Variants in PDZD8 observed in about 807,000 individuals in gnomAD.
PDZD8 encodes PDZ domain-containing protein 8.
PDZD8 carries 14 observed loss-of-function variants against 85.8 expected under a neutral mutation model. That is an observed-to-expected ratio of 0.16 (90% confidence interval 0.11 to 0.26). The LOEUF is 0.26. Among genes scored for constraint, PDZD8 ranks in the 10% least tolerant of loss-of-function variants. The pLI, the probability that PDZD8 is intolerant of heterozygous loss-of-function variation, is 1.00. For synonymous variants in PDZD8, 592 were observed against 568.6 expected (o/e 1.04, Z -0.59); for missense variants, 1,197 against 1,424.3 (o/e 0.84, Z 2.57).
chr10:117,352,270 A>C (rs939013514), intron 1 of PDZD8, among the ~76,000 whole-genome samples: 21 of 152,188 alleles, frequency 1.4e-4, no homozygotes, highest in Non-Finnish European at 2.1e-4. Flanking sequence ...AGAGGTCTAG[A>C]TCTACTGTTA....
At chr10:117,317,038 G>A (rs918949720) in intron 3 of PDZD8, among the ~76,000 whole-genome samples, 66 of 152,124 alleles carry the variant, frequency 4.3e-4, no homozygotes, top group African/African-American at 1.6e-3. Flanking sequence ...AAAACTCCAT[G>A]CTAACGAAGA....
At chr10:117,309,189 C>A (rs1843993123) in intron 3 of PDZD8, among the ~76,000 whole-genome samples, 1 of 151,942 alleles carries the variant, frequency 6.6e-6, no homozygotes. Flanking sequence ...AGAAACAGAA[C>A]CTAAAAATAA....
rs1454024153 is a variant in PDZD8 at position 117,326,123 on chromosome 10, T to TAA, written c.996-7151_996-7150dup. Reference sequence around the variant, plus strand: ...CAGCCATGCAGAACTGTGAGTCAATTAAACCTCTTTTCTTTATAAATTACC... The same window carrying TAA: ...CAGCCATGCAGAACTGTGAGTCAATTAAAAACCTCTTTTCTTTATAAATTACC... On this transcript the variant is annotated intron_variant, in intron 2 of 4. Transcript: ENST00000334464. 2.0e-5 allele frequency among the ~76,000 whole-genome samples: 3 copies of TAA among 152,298 alleles called. No individual in the cohort carries two copies. The East Asian group carries it at 5.8e-4, about 29-fold the overall frequency.
Position 117,375,046 on chromosome 10 carries a change from T to C in PDZD8, c.182A>G (p.Tyr61Cys), listed in dbSNP as rs1353130916. ...VPGLLLREYL[Y>C]GGGRDEEPSG... ...GGGCTCCTCATCCCGGCCGCCGCCA[T>C]AAAGGTACTCCCTTAGGAGCAGGCC... The change falls in exon 1 of 5, where the codon TAT becomes TGT. Residue 61 changes from tyrosine to cysteine, a missense_variant. Around this residue, in one of 4 missense-constraint regions of PDZD8, gnomAD observed 172 missense variants for 137.8 expected, o/e 1.25. Coordinates refer to ENST00000334464, the MANE Select transcript of PDZD8 (RefSeq NM_173791.5). 2 of 1,597,636 alleles carry C rather than the reference T, an allele frequency of 1.3e-6. No homozygotes were observed. The highest frequency in any genetic ancestry group is 3.4e-5 in the Admixed American group (2 of 58,968).
At chr10:117,286,906 A>AG (rs1844674256) in intron 4 of PDZD8, among the ~76,000 whole-genome samples, 1 of 152,324 alleles carries the variant, frequency 6.6e-6, no homozygotes, top group South Asian at 2.1e-4. Flanking sequence ...CAAGGTGTTC[A>AG]GGGCTGCTTA....
At position 117,285,299 on chromosome 10, in the gene PDZD8, A is replaced by G. The variant is rs1322606978; in HGVS notation, c.1434T>C (p.Tyr478=). Residue 478 remains tyrosine (Y), a synonymous_variant, in exon 5 of 5, where the codon TAT becomes TAC. Transcript: ENST00000334464. ...CTGTCAACCCGGCAGCTTCCTCTTC[A>G]TAACCCGATTGGCATGAGCTTGACA... ...NFLSSSCQSG[Y]EEEAAGLTVD... The G allele has an allele frequency of 5.6e-6, 9 of 1,614,102 alleles. No individual in the cohort carries two copies. Among genetic ancestry groups the G allele is most frequent in the African/African-American group, 1.3e-5 (1 of 75,020 alleles).
rs41314485 is a variant in PDZD8 at position 117,283,784 on chromosome 10, C to T, written c.2949G>A (p.Glu983=). 7.6e-3 allele frequency: 12,330 copies of T among 1,614,156 alleles called. 65 individuals are homozygous for T. Among genetic ancestry groups the T allele is most frequent in the Non-Finnish European group, 9.4e-3 (11,151 of 1,180,034 alleles). The change falls in exon 5 of 5, where the codon GAG becomes GAA. Residue 983 remains glutamate, a synonymous_variant. Transcript: ENST00000334464. The part of the protein sequence containing the change: ...NTSDNEGSDT[E]VCGPNSPSKR... ...TAGAAGGACTGTTTGGACCACAGAC[C>T]TCCGTGTCACTGCCTTCGTTGTCTG...
chr10:117,279,774 G>A lies in PDZD8; in HGVS notation c.*3494C>T, dbSNP rs1341411126. The A allele has an allele frequency of 1.3e-5, 2 of 152,108 alleles. No homozygotes were observed. The highest frequency in any genetic ancestry group is 6.6e-5 in the Admixed American group (1 of 15,266). 9.4% of individuals were successfully genotyped at this position (152,108 alleles called of 1,614,324 possible). On this transcript the variant is annotated 3_prime_UTR_variant, in exon 5 of 5. Transcript: ENST00000334464. ...TAATCCCGGGGGAGTTTGTAAAACC[G>A]TTGAAATCTGATACATTTTGAATGG...
chr10:117,348,673 A>C (rs1013860558), intron 1 of PDZD8, among the ~76,000 whole-genome samples: 9 of 152,206 alleles, frequency 5.9e-5, no homozygotes, highest in African/African-American at 2.2e-4. Context: ...GTTTTATCAG[A>C]TTACTGCTCA....
chr10:117,341,855 T>A (rs1373688000), intron 1 of PDZD8, among the ~76,000 whole-genome samples: 3 of 152,256 alleles, frequency 2.0e-5, no homozygotes, highest in African/African-American at 7.2e-5. Flanking sequence ...AAGATGACTG[T>A]AATAGCAACA....
At chr10:117,330,060 T>G (rs756543474) in intron 2 of PDZD8, among the ~76,000 whole-genome samples, 3 of 91,448 alleles carry the variant, frequency 3.3e-5, no homozygotes, top group African/African-American at 4.7e-5. Context: ...GAAAAATCTG[T>G]TTTTTTTTTT....
At chr10:117,366,285 G>A (rs943041801) in intron 1 of PDZD8, among the ~76,000 whole-genome samples, 5 of 152,090 alleles carry the variant, frequency 3.3e-5, no homozygotes, top group African/African-American at 1.2e-4. Context: ...CCCTAAAAAA[G>A]CTTCAAGGGA....
chr10:117,371,653 C>T (rs893307988), intron 1 of PDZD8, among the ~76,000 whole-genome samples: 3 of 152,210 alleles, frequency 2.0e-5, no homozygotes, highest in Middle Eastern at 3.4e-3. Context: ...TCTTACAAAG[C>T]GCCGGGCAAG....
At chr10:117,290,430 T>C (rs1844738187) in intron 3 of PDZD8, 82 bp from the exon 4 acceptor site, 1 of 1,085,720 alleles carries the variant, frequency 9.2e-7, no homozygotes, top group Non-Finnish European at 1.3e-6. Context: ...GACTGTTATG[T>C]GCAGAGAGCA....
intron 4 of PDZD8, among the ~76,000 whole-genome samples, chr10:117,288,301 G>T (rs909610123): frequency 2.0e-5 from 3 of 151,688 alleles, no homozygotes; most frequent in African/African-American, 7.3e-5. Context: ...CATGCTAAAA[G>T]AAATAAAGAC....
At chr10:117,328,249 T>C (rs1844350799) in intron 2 of PDZD8, among the ~76,000 whole-genome samples, 2 of 152,172 alleles carry the variant, frequency 1.3e-5, no homozygotes, top group South Asian at 4.1e-4. Flanking sequence ...GGGACCTAAT[T>C]CCCTATGTCA....
At chr10:117,333,773 T>A (rs1413412161) in intron 2 of PDZD8, among the ~76,000 whole-genome samples, 2 of 152,230 alleles carry the variant, frequency 1.3e-5, no homozygotes, top group Non-Finnish European at 2.9e-5. Flanking sequence ...TCCCTATTTC[T>A]CTCTTCTGTC....
chr10:117,315,888 T>C (rs1589560991), intron 3 of PDZD8, among the ~76,000 whole-genome samples: 1 of 152,212 alleles, frequency 6.6e-6, no homozygotes, highest in Non-Finnish European at 1.5e-5. Context: ...TAAAATATCA[T>C]GGCCTGAAAC....
intron 3 of PDZD8, among the ~76,000 whole-genome samples, chr10:117,290,766 T>C (rs1844744692): frequency 6.6e-6 from 1 of 151,990 alleles, no homozygotes; most frequent in Non-Finnish European, 1.5e-5. Context: ...ATTATAATCA[T>C]GAATATAATT....
Sources: allele counts gnomAD v4.1 joint callset (sites outside exome capture counted in the v4.1 genomes callset), GRCh38; gene constraint gnomAD v4.1.1; regional missense constraint gnomAD v4.1.1; transcripts MANE v1.5; gene names NCBI Gene and HGNC (gene_info 2026-07-23, HGNC 2026-07-21).